PELI2: variants seen among roughly 807,000 people sequenced by gnomAD.
PELI2 encodes E3 ubiquitin-protein ligase pellino homolog 2.
PELI2 carries 23 observed loss-of-function variants against 42.3 expected under a neutral mutation model. The ratio of observed to expected loss-of-function variants is 0.54; its 90% CI spans 0.39 to 0.77. PELI2 has a LOEUF of 0.77. Ranked by LOEUF, PELI2 falls within the 30% of genes least tolerant of loss-of-function variation. The pLI is 0.00. For synonymous variants in PELI2, 245 were observed against 212.2 expected (o/e 1.15, Z -1.34); for missense variants, 463 against 553.2 (o/e 0.84, Z 1.64).
intron 1 of PELI2, among the ~76,000 whole-genome samples, chr14:56,125,999 TAAAC>T (rs1198512701): frequency 6.6e-6 from 1 of 152,226 alleles, no homozygotes; most frequent in East Asian, 1.9e-4. Flanking sequence ...TGCAGTTTTG[TAAAC>T]AATCCTACCA....
chr14:56,291,020 T>G (rs1374072993), intron 5 of PELI2, among the ~76,000 whole-genome samples: 1 of 152,216 alleles, frequency 6.6e-6, no homozygotes, highest in Non-Finnish European at 1.5e-5. Context: ...CCTATAAATA[T>G]CACCACTTAT....
chr14:56,253,989 A>C (rs1888440560), intron 2 of PELI2, among the ~76,000 whole-genome samples: 1 of 152,264 alleles, frequency 6.6e-6, no homozygotes, highest in Non-Finnish European at 1.5e-5. Context: ...ACTGGTACCA[A>C]AACAGATACA....
intron 2 of PELI2, among the ~76,000 whole-genome samples, chr14:56,209,108 A>C (rs1487918341): frequency 1.3e-5 from 2 of 152,236 alleles, no homozygotes; most frequent in African/African-American, 2.4e-5. Context: ...TCAGTGAATT[A>C]ATATTTCCCA....
chr14:56,125,732 CTG>C (rs1375931031), intron 1 of PELI2, among the ~76,000 whole-genome samples: 1 of 152,202 alleles, frequency 6.6e-6, no homozygotes, highest in Non-Finnish European at 1.5e-5. Context: ...GTTCTGCCCT[CTG>C]TGCTGCTTGC....
At chr14:56,171,895 C>T (rs945359762) in intron 1 of PELI2, among the ~76,000 whole-genome samples, 7 of 151,880 alleles carry the variant, frequency 4.6e-5, no homozygotes, top group African/African-American at 1.2e-4. Context: ...GTGCACCTGT[C>T]GTCCCTGTTA....
chr14:56,169,879 G>A (rs973545487), intron 1 of PELI2, among the ~76,000 whole-genome samples: 3 of 152,180 alleles, frequency 2.0e-5, no homozygotes, highest in African/African-American at 7.2e-5. Flanking sequence ...ATATATGATA[G>A]GTTAAATAAT....
chr14:56,278,068 AT>A (rs1423519308), intron 2 of PELI2, among the ~76,000 whole-genome samples: 14 of 152,344 alleles, frequency 9.2e-5, no homozygotes, highest in Admixed American at 3.3e-4. Context: ...GTTGGAGTTG[AT>A]ATATTTGTAA....
At chr14:56,129,299 C>G (rs1320007518) in intron 1 of PELI2, among the ~76,000 whole-genome samples, 1 of 152,256 alleles carries the variant, frequency 6.6e-6, no homozygotes, top group Non-Finnish European at 1.5e-5. Flanking sequence ...ACCTTTGTCT[C>G]TCTTCCCCTG....
chr14:56,138,487 G>T (rs1022776319), intron 1 of PELI2, among the ~76,000 whole-genome samples: 2 of 151,438 alleles, frequency 1.3e-5, no homozygotes, highest in Non-Finnish European at 2.9e-5. Context: ...AGACTGAAAA[G>T]TATTCATGAA....
intron 1 of PELI2, among the ~76,000 whole-genome samples, chr14:56,131,026 C>G (rs531474992): frequency 6.6e-6 from 1 of 152,142 alleles, no homozygotes; most frequent in Non-Finnish European, 1.5e-5. Context: ...CTGGGACTAA[C>G]GTCGCTGTTA....
chr14:56,163,622 T>A (rs569607229), intron 1 of PELI2, among the ~76,000 whole-genome samples: 16 of 152,246 alleles, frequency 1.1e-4, no homozygotes, highest in Non-Finnish European at 2.2e-4. Context: ...ATGTTACTGG[T>A]ATTTCAATAG....
rs150379888 is a variant in PELI2 at position 56,199,808 on chromosome 14, G to A, written c.207+21344G>A. Among the ~76,000 whole-genome samples the A allele has an allele frequency of 2.7e-3, 406 of 152,326 alleles. 3 individuals are homozygous for A. Among genetic ancestry groups the A allele is most frequent in the African/African-American group, 8.2e-3 (341 of 41,570 alleles). On this transcript the variant is annotated intron_variant, in intron 2 of 5. Transcript: ENST00000267460. ...TGTAGTTTTCACTCAGCTTACCAGG[G>A]CCCAGGGATTTAATTAAGCTGTACT...
At position 56,288,694 on chromosome 14, in the gene PELI2, C is replaced by T; in HGVS notation, c.507+60C>T. ...AAATGCTTGTGATTATGATATGGAA[C>T]ATTTAATTGGAGCAAAAAAAAATTG... On this transcript the variant is annotated intron_variant, in intron 4 of 5. Coordinates refer to ENST00000267460, the MANE Select transcript of PELI2 (RefSeq NM_021255.3). The surrounding 1 kb of genome is among the most constrained non-coding windows in gnomAD (Gnocchi z 4.6). The T allele has an allele frequency of 3.9e-6, 5 of 1,276,220 alleles. No individual in the cohort carries two copies. Among genetic ancestry groups the T allele is most frequent in the Non-Finnish European group, 5.3e-6 (5 of 938,048 alleles). 79.1% of individuals were successfully genotyped at this position (1,276,220 alleles called of 1,614,324 possible).
intron 2 of PELI2, among the ~76,000 whole-genome samples, chr14:56,232,248 A>G (rs1422579498): frequency 6.6e-6 from 1 of 152,174 alleles, no homozygotes; most frequent in Non-Finnish European, 1.5e-5. Context: ...AATCCTCCCT[A>G]ACTCATTTTA....
In PELI2 at chr14:56,130,529, C is replaced by A. The variant is rs537965688; in HGVS notation, c.77+11792C>A. 3.0e-4 allele frequency among the ~76,000 whole-genome samples: 46 copies of A among 151,998 alleles called. No homozygotes were observed. The South Asian group carries it at 6.2e-3, about 21-fold the overall frequency. On this transcript the variant is annotated intron_variant, in intron 1 of 5. Transcript: ENST00000267460. Reference sequence around the variant, plus strand: ...AAACTTCACTCATTCAAAGAAGTTACCAGTAAGGTGAAATGTTTTTTCCTT... The same window carrying A: ...AAACTTCACTCATTCAAAGAAGTTAACAGTAAGGTGAAATGTTTTTTCCTT...
chr14:56,119,340 C>G (rs1195725637), intron 1 of PELI2: 1 of 152,054 alleles, frequency 6.6e-6, no homozygotes, highest in Non-Finnish European at 1.5e-5. Flanking sequence ...GAGCAGTGAA[C>G]TGTGTGTGAC....
chr14:56,153,735 C>T (rs868664651), intron 1 of PELI2, among the ~76,000 whole-genome samples: 1 of 152,110 alleles, frequency 6.6e-6, no homozygotes, highest in Non-Finnish European at 1.5e-5. Context: ...TAAACAGCTT[C>T]CCCAACTGTT....
intron 2 of PELI2, among the ~76,000 whole-genome samples, chr14:56,181,910 C>G (rs1486056594): frequency 6.6e-6 from 1 of 151,866 alleles, no homozygotes; most frequent in Admixed American, 6.6e-5. Context: ...TCTGGCCATT[C>G]TGTTGCATAG....
At chr14:56,200,021 A>G (rs1473071524) in intron 2 of PELI2, among the ~76,000 whole-genome samples, 1 of 152,256 alleles carries the variant, frequency 6.6e-6, no homozygotes, top group East Asian at 1.9e-4. Context: ...GCTGGCAGTC[A>G]GCAGTTTAAG....
Sources: gnomAD v4.1 joint callset for allele counts (sites outside exome capture counted in the v4.1 genomes callset) on GRCh38, gnomAD v4.1.1 for gene constraint, Gnocchi (gnomAD v3.1) non-coding constraint, MANE v1.5 for transcripts, NCBI Gene and HGNC (gene_info 2026-07-23, HGNC 2026-07-21) for gene names.